The following TAF2 variants were observed in gnomAD, a reference collection of about 807,000 sequenced individuals.
TAF2 encodes transcription initiation factor TFIID subunit 2.
A neutral mutation model predicts 138.5 loss-of-function variants in TAF2; 61 were observed. The ratio of observed to expected loss-of-function variants is 0.44; its 90% confidence interval spans 0.36 to 0.54. TAF2 has a LOEUF of 0.54. Among genes scored for constraint, TAF2 ranks in the 20% least tolerant of loss-of-function variants. The pLI is 0.00. For missense variants in TAF2, 1,090 were observed against 1,427.9 expected (o/e 0.76, Z 3.81); for synonymous variants, 475 against 469.9 (o/e 1.01, Z -0.14).
intron 23 of TAF2, among the ~76,000 whole-genome samples, chr8:119,746,139 C>T (rs900367125): frequency 1.3e-5 from 2 of 151,744 alleles, no homozygotes; most frequent in African/African-American, 4.8e-5. Flanking sequence ...TGGGAGGCCA[C>T]GGTGGGTGGA....
In TAF2 at chr8:119,801,779, A is replaced by G; in HGVS notation, c.792+15T>C. 1 of 1,601,356 alleles carries G rather than the reference A, an allele frequency of 6.2e-7. No individual in the cohort carries two copies. Among genetic ancestry groups the G allele is most frequent in the Non-Finnish European group, 8.6e-7 (1 of 1,168,482 alleles). ...AGGGCCAGGAGGAGAGTAAGAGAGG[A>G]AAGCTCTGACTTACCTCATGCATGT... On this transcript the variant is annotated intron_variant, in intron 6 of 25. Transcript: ENST00000378164.
intron 3 of TAF2, among the ~76,000 whole-genome samples, chr8:119,809,015 G>T (rs1161692382): frequency 6.6e-6 from 1 of 152,192 alleles, no homozygotes; most frequent in Non-Finnish European, 1.5e-5. Flanking sequence ...CCTAATAAAA[G>T]AGTCAGCCCG....
chr8:119,785,879 G>A (rs991047932), intron 14 of TAF2, among the ~76,000 whole-genome samples: 12 of 152,078 alleles, frequency 7.9e-5, no homozygotes, highest in Middle Eastern at 3.2e-3. Flanking sequence ...TTATTACAGA[G>A]AAAAAAACCT....
At chr8:119,797,232 T>G (rs1279568220) in intron 7 of TAF2, 129 bp from the exon 8 acceptor site, 3 of 722,636 alleles carry the variant, frequency 4.2e-6, no homozygotes, top group Non-Finnish European at 6.9e-6. Context: ...CTTTCTAATC[T>G]TTTCAAAATT....
At chr8:119,811,533 AC>A (rs1825054470) in intron 3 of TAF2, among the ~76,000 whole-genome samples, 2 of 152,138 alleles carry the variant, frequency 1.3e-5, no homozygotes, top group Non-Finnish European at 2.9e-5. Flanking sequence ...CAGGCCGGGC[AC>A]GGTGGCTCAC....
intron 23 of TAF2, among the ~76,000 whole-genome samples, chr8:119,745,305 G>A (rs190683293): frequency 2.7e-5 from 4 of 150,214 alleles, no homozygotes; most frequent in Admixed American, 6.9e-5. Context: ...TGTGAATGTG[G>A]ATAAATTAAC....
intron 2 of TAF2, 61 bp downstream of exon 2, chr8:119,831,616 G>T: frequency 8.0e-7 from 1 of 1,251,450 alleles, no homozygotes; most frequent in Non-Finnish European, 1.2e-6. Context: ...ACTGTGAGGG[G>T]TGGATTGTTA....
rs1015971416 is a variant in TAF2 at position 119,775,477 on chromosome 8, C to A, written c.2364+2542G>T. Among the ~76,000 whole-genome samples, 11 of 151,664 alleles carry A rather than the reference C, an allele frequency of 7.3e-5. No individual in the cohort carries two copies. The East Asian group carries it at 2.1e-3, about 30-fold the overall frequency. ...TAGCACTTTGAGAGGCCGAGGCAGGCGAATCACTTGAGGTCAGGAGTTCGA... is the reference window on the plus strand; with the variant it reads ...TAGCACTTTGAGAGGCCGAGGCAGGAGAATCACTTGAGGTCAGGAGTTCGA... On this transcript the variant is annotated intron_variant, in intron 18 of 25. Coordinates refer to ENST00000378164, the MANE Select transcript of TAF2 (RefSeq NM_003184.4).
intron 4 of TAF2, 147 bp from the exon 5 acceptor site, chr8:119,804,166 T>C: frequency 1.1e-6 from 1 of 916,872 alleles, no homozygotes; most frequent in Non-Finnish European, 1.7e-6. Flanking sequence ...TTTAGACTTT[T>C]ACCATATGTC....
intron 6 of TAF2, among the ~76,000 whole-genome samples, chr8:119,799,336 G>A (rs1012367672): frequency 6.6e-6 from 1 of 151,406 alleles, no homozygotes; most frequent in Non-Finnish European, 1.5e-5. Flanking sequence ...GCCCCGGTGT[G>A]TGATGTTCCC....
chr8:119,783,479 A>AT lies in TAF2; in HGVS notation c.2013dup (p.Phe672IlefsTer12), dbSNP rs770595106. 1.9e-5 allele frequency: 30 copies of AT among 1,614,042 alleles called. No individual in the cohort carries two copies. The highest frequency in any genetic ancestry group is 2.4e-5 in the Non-Finnish European group (28 of 1,179,992). On this transcript the variant is annotated frameshift_variant, in exon 16 of 26. Transcript: ENST00000378164. LOFTEE classifies it high-confidence loss of function. ...GCAAGCCGAGATGCTGGAGTAGGGA[A>AT]TTTTTCCAAAGCCAAAATGGATTCC...
At chr8:119,750,632 T>C (rs1475495078) in intron 22 of TAF2, among the ~76,000 whole-genome samples, 1 of 152,230 alleles carries the variant, frequency 6.6e-6, no homozygotes, top group Non-Finnish European at 1.5e-5. Flanking sequence ...TCAATATGTT[T>C]TCATTTTCTT....
intron 6 of TAF2, 47 bp downstream of exon 6, chr8:119,801,747 G>T: frequency 6.4e-7 from 1 of 1,560,280 alleles, no homozygotes. Flanking sequence ...CTTTTTAAAA[G>T]CAGTAAAGGG....
chr8:119,806,868 C>T (rs898204699), intron 3 of TAF2, among the ~76,000 whole-genome samples: 52 of 152,142 alleles, frequency 3.4e-4, no homozygotes, highest in Non-Finnish European at 4.4e-4. Context: ...TAATGGTTTG[C>T]TCTACTCACC....
chr8:119,739,986 T>G (rs1266402405), intron 25 of TAF2, among the ~76,000 whole-genome samples: 1 of 152,034 alleles, frequency 6.6e-6, no homozygotes, highest in Admixed American at 6.6e-5. Context: ...GAACTGGATA[T>G]AGGCCAAAAA....
rs763235823 is a variant in TAF2 at position 119,781,036 on chromosome 8, T to C, written c.2253+17A>G. The C allele has an allele frequency of 1.4e-5, 22 of 1,608,544 alleles. No individual in the cohort carries two copies. Among genetic ancestry groups the C allele is most frequent in the East Asian group, 1.1e-4 (5 of 44,826 alleles). ...AAATATATAAAAACCATGAGAAAATTAGAAAGTAAACTGTACCTTCTGTAG... is the reference window on the plus strand; with the variant it reads ...AAATATATAAAAACCATGAGAAAATCAGAAAGTAAACTGTACCTTCTGTAG... On this transcript the variant is annotated intron_variant, in intron 17 of 25. Transcript: ENST00000378164.
At chr8:119,781,218 A>G in intron 16 of TAF2, 25 bp from the exon 17 acceptor site, 1 of 1,613,544 alleles carries the variant, frequency 6.2e-7, no homozygotes. Context: ...AAAACAAAGT[A>G]ATTTCCATTA....
Position 119,824,618 on chromosome 8 carries a change from A to C in TAF2, c.139-5112T>G, listed in dbSNP as rs544982499. 2.3e-3 allele frequency among the ~76,000 whole-genome samples: 351 copies of C among 152,182 alleles called. 1 individual carries two copies. The highest frequency in any genetic ancestry group is 2.6e-3 in the Non-Finnish European group (179 of 67,986). On this transcript the variant is annotated intron_variant, in intron 2 of 25. Transcript: ENST00000378164. ...CACAGGCCCGGAGGCCTAGGAGGAA[A>C]AAGTGGTTTTGTGGGCCAGGCCCAG...
chr8:119,795,390 C>A lies in TAF2; in HGVS notation c.1191+142G>T. 3 of 768,590 alleles carry A rather than the reference C, an allele frequency of 3.9e-6. No homozygotes were observed. In the South Asian group the frequency reaches 4.7e-5, roughly 12 times the overall value. The allele number at this position is 768,590 out of a possible 1,614,324, so 47.6% of individuals were successfully genotyped here. A position where few individuals can be genotyped will look rare whatever the true frequency, so the allele number is the denominator to read the frequency against. On this transcript the variant is annotated intron_variant, in intron 9 of 25. Transcript: ENST00000378164. Reference sequence around the variant, plus strand: ...ACAATGGAGATTAGATAAAATAGACCATTAGTCTTTCTCAGTAAATCAATT... The same window carrying A: ...ACAATGGAGATTAGATAAAATAGACAATTAGTCTTTCTCAGTAAATCAATT...
Sources: gnomAD v4.1 joint callset for allele counts (sites outside exome capture counted in the v4.1 genomes callset) on GRCh38, gnomAD v4.1.1 for gene constraint, MANE v1.5 for transcripts, NCBI Gene and HGNC (gene_info 2026-07-23, HGNC 2026-07-21) for gene names.